Variants in ZC3H6 observed in about 807,000 individuals in gnomAD.
ZC3H6 encodes the protein zinc finger CCCH domain-containing protein 6.
In ZC3H6, 40 loss-of-function variants were observed where a neutral mutation model predicts 107.7. The observed-to-expected ratio is 0.37, with a 90% CI of 0.29 to 0.48. ZC3H6 has a LOEUF of 0.48. ZC3H6 is among the 20% of genes least tolerant of loss of function. ZC3H6 has a pLI of 0.98. For missense variants in ZC3H6, 1,267 were observed against 1,410.4 expected, an observed-to-expected ratio of 0.90 and a Z score of 1.63; for synonymous variants, 493 against 487.9, an observed-to-expected ratio of 1.01 and a Z score of -0.14.
Position 112,286,204 on chromosome 2 carries a change from T to C in ZC3H6, c.32+10178T>C, listed in dbSNP as rs144922642. The C allele has an allele frequency of 6.9e-3, 2,792 of 405,588 alleles. 73 individuals are homozygous for C. Among genetic ancestry groups the C allele is most frequent in the African/African-American group, 0.055 (2,571 of 46,582 alleles). 25.1% of individuals were successfully genotyped at this position (405,588 alleles called of 1,614,324 possible). A position where few individuals can be genotyped will look rare whatever the true frequency, so the allele number is the denominator to read the frequency against. ...CCAAGAGTGAGTTTTTAGGAGTGGGTCTGAAATTAGGAAAGACACTTGCTG... is the reference window on the plus strand; with the variant it reads ...CCAAGAGTGAGTTTTTAGGAGTGGGCCTGAAATTAGGAAAGACACTTGCTG... On this transcript the variant is annotated intron_variant, in intron 1 of 11. Coordinates refer to ENST00000409871, the MANE Select transcript of ZC3H6 (RefSeq NM_198581.3).
intron 1 of ZC3H6, chr2:112,286,078 T>G (rs964658392): frequency 6.8e-6 from 2 of 292,118 alleles, no homozygotes; most frequent in African/African-American, 4.5e-5. Context: ...GGTTAAATGT[T>G]GGACCCAATT....
rs189304068 is a variant in ZC3H6, at chr2:112,323,009, A to G, written c.1340+107A>G. The stretch of plus-strand genomic sequence containing the variant: ...ATCATGTAATTAAACTTGGTTAGAG[A>G]TAGCACATATCTGGCATGCACGCAG... On this transcript the variant is annotated intron_variant, in intron 9 of 11. Coordinates refer to ENST00000409871, the MANE Select transcript of ZC3H6 (RefSeq NM_198581.3). 24 of 1,227,096 alleles carry G rather than the reference A, an allele frequency of 2.0e-5. No homozygotes were observed. In the Admixed American group the frequency reaches 4.9e-4, roughly 25 times the overall value. 76.0% of individuals were successfully genotyped at this position (1,227,096 alleles called of 1,614,324 possible). A position where few individuals can be genotyped will look rare whatever the true frequency, so the allele number is the denominator to read the frequency against.
Position 112,309,869 on chromosome 2 carries a change from G to C in ZC3H6, c.337-16G>C, listed in dbSNP as rs772662817. ...TAATTGAAAAATCCTGATAATGATT[G>C]TCCATTTTCACTTAGCGTGGACATA... On this transcript the variant is annotated splice_polypyrimidine_tract_variant and intron_variant, in intron 3 of 11. Transcript: ENST00000409871. 5.2e-6 allele frequency: 8 copies of C among 1,553,120 alleles called. No individual in the cohort carries two copies. Among genetic ancestry groups the C allele is most frequent in the Non-Finnish European group, 7.0e-6 (8 of 1,148,090 alleles).
At chr2:112,323,714 C>T (rs1676848100) in intron 9 of ZC3H6, among the ~76,000 whole-genome samples, 1 of 152,114 alleles carries the variant, frequency 6.6e-6, no homozygotes, top group Non-Finnish European at 1.5e-5. Flanking sequence ...CATTCAAAAA[C>T]TGAATGTCTT....
chr2:112,313,176 T>A (rs1476865618), intron 5 of ZC3H6, among the ~76,000 whole-genome samples: 1 of 152,210 alleles, frequency 6.6e-6, no homozygotes, highest in Non-Finnish European at 1.5e-5. Context: ...ACCCATCATT[T>A]ACTCAACTAC....
chr2:112,321,654 A>T, intron 7 of ZC3H6, 102 bp from the exon 8 acceptor site: 3 of 593,692 alleles, frequency 5.1e-6, no homozygotes, highest in Non-Finnish European at 8.7e-6. Context: ...TACATAGCAG[A>T]TCTCTAGAAC....
intron 1 of ZC3H6, among the ~76,000 whole-genome samples, chr2:112,287,778 A>G (rs371234420): frequency 1.1e-4 from 16 of 152,096 alleles, no homozygotes; most frequent in East Asian, 3.9e-4. Flanking sequence ...ATTTTTTTGT[A>G]TTTTTAGTAG....
chr2:112,312,961 A>G (rs1676620711), intron 5 of ZC3H6, among the ~76,000 whole-genome samples: 1 of 152,082 alleles, frequency 6.6e-6, no homozygotes, highest in African/African-American at 2.4e-5. Flanking sequence ...TCTCAGTTTA[A>G]AGATAGTGGG....
rs1165685406 is a variant in ZC3H6 at position 112,299,739 on chromosome 2, T to TCTAA, written c.33-109_33-106dup. 9.0e-5 allele frequency: 78 copies of TCTAA among 866,158 alleles called. No individual in the cohort carries two copies. In the Middle Eastern group the frequency reaches 4.7e-3, roughly 52 times the overall value. 53.7% of individuals were successfully genotyped at this position (866,158 alleles called of 1,614,324 possible). On this transcript the variant is annotated intron_variant, in intron 1 of 11. Coordinates refer to ENST00000409871, the MANE Select transcript of ZC3H6 (RefSeq NM_198581.3). ...TATAGAAAAATTTTTCAAGTGCTTG[T>TCTAA]CTAAATGAATATAACATAAATCCTT...
intron 1 of ZC3H6, among the ~76,000 whole-genome samples, chr2:112,291,654 C>G (rs1284483800): frequency 6.6e-6 from 1 of 152,108 alleles, no homozygotes; most frequent in Admixed American, 6.5e-5. Flanking sequence ...TCTCTCCGCA[C>G]AGAAAGTGGG....
intron 1 of ZC3H6, among the ~76,000 whole-genome samples, chr2:112,294,732 A>G (rs563812458): frequency 1.3e-5 from 2 of 152,352 alleles, no homozygotes; most frequent in East Asian, 1.9e-4. Context: ...GGAAAAAAGT[A>G]GAATCCTCTA....
intron 2 of ZC3H6, among the ~76,000 whole-genome samples, chr2:112,300,434 G>C (rs950437856): frequency 2.0e-5 from 3 of 152,088 alleles, no homozygotes; most frequent in African/African-American, 7.2e-5. Context: ...CAAACTGCTG[G>C]GCTCAAGTGA....
rs779296307 is a variant in ZC3H6, at chr2:112,332,055, T to C, written c.3137T>C (p.Ile1046Thr). The change falls in exon 12 of 12, where the codon ATT becomes ACT. Residue 1046 changes from isoleucine to threonine, a missense_variant. By Grantham distance (89) the Ile-to-Thr change is moderately conservative (BLOSUM62 -1). This residue lies in a region of ZC3H6 where 925 missense variants were observed against 1,025.7 expected (regional missense o/e 0.90). Coordinates refer to ENST00000409871, the MANE Select transcript of ZC3H6 (RefSeq NM_198581.3). ...LGTSTSVLSG[I>T]SLYDPRDHGS... is the part of the protein sequence containing the mutation. ...ACTTCCACTTCAGTTCTTAGTGGTA[T>C]TAGTTTGTATGACCCTAGGGATCAC... 5.0e-6 allele frequency: 8 copies of C among 1,614,046 alleles called. No individual in the cohort carries two copies. Among genetic ancestry groups the C allele is most frequent in the Non-Finnish European group, 5.9e-6 (7 of 1,179,886 alleles).
In ZC3H6 at chr2:112,324,611, TTAC is replaced by T; in HGVS notation, c.1803_1805del (p.Tyr602del). The T allele has an allele frequency of 6.2e-7, 1 of 1,611,304 alleles. No individual in the cohort carries two copies. Among genetic ancestry groups the T allele is most frequent in the Non-Finnish European group, 8.5e-7 (1 of 1,178,474 alleles). ...AAAACCCAGCTGAGTTTTACGATAA[TTAC>T]TATGCACAGCATTCTATACATAATT... is the stretch of plus-strand genomic sequence containing the variant. On this transcript the variant is annotated inframe_deletion, in exon 10 of 12. Transcript: ENST00000409871.
Position 112,309,964 on chromosome 2 carries a change from A to G in ZC3H6, c.416A>G (p.Glu139Gly). The G allele has an allele frequency of 6.2e-7, 1 of 1,611,902 alleles. No individual in the cohort carries two copies. The highest frequency in any genetic ancestry group is 8.5e-7 in the Non-Finnish European group (1 of 1,178,860). The change falls in exon 4 of 12, where the codon GAG becomes GGG. Residue 139 changes from glutamate to glycine, a missense_variant. Glu to Gly is a moderately conservative substitution (Grantham distance 98). Around this residue, in one of 3 missense-constraint regions of ZC3H6, gnomAD observed 337 missense variants for 361.2 expected, o/e 0.93. Transcript: ENST00000409871. Reference sequence around the variant, plus strand: ...AAATTTAAAAGTAAAGAATATGATGAGTACAGCACCTACAGTGATGACAAC... The same window carrying G: ...AAATTTAAAAGTAAAGAATATGATGGGTACAGCACCTACAGTGATGACAAC... ...NKKFKSKEYD[E>G]YSTYSDDNFG...
At chr2:112,307,289 C>T (rs1573956810) in intron 3 of ZC3H6, among the ~76,000 whole-genome samples, 1 of 152,090 alleles carries the variant, frequency 6.6e-6, no homozygotes, top group African/African-American at 2.4e-5. Flanking sequence ...AATTAGAGAA[C>T]TTAATTTAGC....
intron 1 of ZC3H6, among the ~76,000 whole-genome samples, chr2:112,289,975 G>C (rs1349196277): frequency 2.6e-5 from 4 of 151,980 alleles, no homozygotes; most frequent in African/African-American, 4.8e-5. Context: ...TCCTGGGCTT[G>C]ACCAGTTCAC....
At position 112,332,212 on chromosome 2, in the gene ZC3H6, A is replaced by T. The variant is rs1183806808; in HGVS notation, c.3294A>T (p.Lys1098Asn). Residue 1098 changes from lysine to asparagine, a missense_variant, in exon 12 of 12, where the codon AAA becomes AAT. Physicochemically the swap from Lys to Asn is moderately conservative, Grantham distance 94. Around this residue, in one of 3 missense-constraint regions of ZC3H6, gnomAD observed 925 missense variants for 1,025.7 expected, o/e 0.90. Transcript: ENST00000409871. Reference protein sequence around the residue: ...PSPGEAILPQKPSPNVGVTLE... With the variant: ...PSPGEAILPQNPSPNVGVTLE... ...CTGGAGAAGCCATCCTTCCACAAAA[A>T]CCCAGTCCAAACGTGGGAGTCACTC... is the stretch of plus-strand genomic sequence containing the variant. The T allele has an allele frequency of 1.2e-6, 2 of 1,613,890 alleles. No individual in the cohort carries two copies. The highest frequency in any genetic ancestry group is 3.3e-5 in the Admixed American group (2 of 60,000).
At chr2:112,290,160 C>CA (rs1558947102) in intron 1 of ZC3H6, among the ~76,000 whole-genome samples, 2 of 152,270 alleles carry the variant, frequency 1.3e-5, no homozygotes, top group African/African-American at 4.8e-5. Flanking sequence ...CCCATACTGT[C>CA]ACCCAACTGG....
Sources: gnomAD v4.1 joint callset for allele counts (sites outside exome capture counted in the v4.1 genomes callset) on GRCh38, gnomAD v4.1.1 for gene constraint, gnomAD v4.1.1 regional missense constraint, MANE v1.5 for transcripts, NCBI Gene and HGNC (gene_info 2026-07-23, HGNC 2026-07-21) for gene names.